C9orf85: variants seen among roughly 807,000 people sequenced by gnomAD.
C9orf85 encodes the protein uncharacterized protein C9orf85.
In C9orf85, 16 loss-of-function variants were observed where a neutral mutation model predicts 14.9. That is an observed-to-expected ratio of 1.08 (90% CI 0.73 to 1.63). C9orf85 has a LOEUF of 1.63. Among genes scored for constraint, C9orf85 ranks in the 40% most tolerant of loss-of-function variants. The pLI is 0.00. For missense variants in C9orf85, 172 were observed against 186.1 expected (o/e 0.92, Z 0.44); for synonymous variants, 45 against 56.8 (o/e 0.79, Z 0.93).
chr9:71,976,720 A>C (rs1018461976), downstream of C9orf85, among the ~76,000 whole-genome samples: 1 of 94,604 alleles, frequency 1.1e-5, no homozygotes, highest in East Asian at 4.1e-4. Context: ...TCTGGAATAT[A>C]GCCCAGGATT....
intron 1 of C9orf85, among the ~76,000 whole-genome samples, chr9:71,940,355 G>A (rs1044016211): frequency 5.9e-5 from 9 of 152,146 alleles, no homozygotes; most frequent in African/African-American, 1.9e-4. Context: ...GATCACTTGA[G>A]CCCGGGAATT....
At chr9:71,917,728 A>G (rs528581790) in intron 1 of C9orf85, among the ~76,000 whole-genome samples, 1 of 152,350 alleles carries the variant, frequency 6.6e-6, no homozygotes, top group South Asian at 2.1e-4. Context: ...GATTCCATCT[A>G]TAGAGACCAG....
rs370413052 is a variant in C9orf85, at chr9:71,911,816, G to T, written c.82G>T (p.Asp28Tyr). The change falls in exon 1 of 4, where the codon GAT becomes TAT. Residue 28 changes from aspartate (D) to tyrosine (Y), a missense_variant. Transcript: ENST00000334731. The part of the protein sequence containing the change: ...NTFSFKNDKF[D>Y]KSVQTKKINA... ...GTTTAGCTTCAAAAATGACAAGTTC[G>T]ATAAAAGTGTGCAGACCAAGGTAGG... The T allele has an allele frequency of 6.2e-7, 1 of 1,614,094 alleles. No individual in the cohort carries two copies. Among genetic ancestry groups the T allele is most frequent in the South Asian group, 1.1e-5 (1 of 91,074 alleles).
chr9:71,938,725 C>T (rs2132290561), intron 1 of C9orf85, among the ~76,000 whole-genome samples: 1 of 151,670 alleles, frequency 6.6e-6, no homozygotes, highest in Non-Finnish European at 1.5e-5. Flanking sequence ...TCATATGGAA[C>T]CAGAACTTGT....
Position 71,970,767 on chromosome 9 carries a change from C to A in C9orf85, c.210-738C>A, listed in dbSNP as rs534836481. On this transcript the variant is annotated intron_variant, in intron 2 of 3. Transcript: ENST00000334731. ...CCAGCTGGAATTTTAATAGAGAGTT[C>A]ATTGAGTCTGTAGATCAGTTTGGGG... 4.6e-5 allele frequency among the ~76,000 whole-genome samples: 7 copies of A among 151,648 alleles called. No individual in the cohort carries two copies. The East Asian group carries it at 1.4e-3, about 29-fold the overall frequency.
intron 1 of C9orf85, among the ~76,000 whole-genome samples, chr9:71,918,107 CAGGAGGCAGA>C (rs1172815326): frequency 6.6e-6 from 1 of 152,060 alleles, no homozygotes; most frequent in African/African-American, 2.4e-5. Flanking sequence ...CACTTGAACC[CAGGAGGCAGA>C]GGTTGCAGTG....
chr9:71,982,233 A>AT (rs934105609), intron 3 of C9orf85, among the ~76,000 whole-genome samples: 2,875 of 144,748 alleles, frequency 0.02, 89 homozygotes, highest in African/African-American at 0.067. Context: ...ATAGTTCATC[A>AT]TTTTTTTTTT....
At chr9:71,957,109 G>A (rs199585647) in intron 2 of C9orf85, among the ~76,000 whole-genome samples, 1 of 152,034 alleles carries the variant, frequency 6.6e-6, no homozygotes, top group East Asian at 1.9e-4. Context: ...CTACAGCACC[G>A]GCCAAGACTG....
intron 1 of C9orf85, among the ~76,000 whole-genome samples, chr9:71,920,732 A>C (rs1459818474): frequency 3.3e-5 from 5 of 152,212 alleles, no homozygotes; most frequent in Admixed American, 3.3e-4. Context: ...ACTTTTGTGA[A>C]AGGAAGAAAT....
At chr9:71,917,239 T>C (rs1196628937) in intron 1 of C9orf85, among the ~76,000 whole-genome samples, 1 of 152,232 alleles carries the variant, frequency 6.6e-6, no homozygotes, top group Non-Finnish European at 1.5e-5. Flanking sequence ...CCACCAATAC[T>C]AAACATTGCT....
chr9:71,968,680 C>T (rs1264246594), intron 2 of C9orf85, among the ~76,000 whole-genome samples: 1 of 152,122 alleles, frequency 6.6e-6, no homozygotes, highest in Non-Finnish European at 1.5e-5. Flanking sequence ...AGAAATAGCA[C>T]TCAAACATAA....
downstream of C9orf85, among the ~76,000 whole-genome samples, chr9:71,975,784 A>G (rs192481432): frequency 1.5e-3 from 232 of 152,348 alleles, 1 homozygote; most frequent in African/African-American, 5.5e-3. Flanking sequence ...GTGAGCCAAG[A>G]TAGCGCTATT....
chr9:71,973,860 G>T (rs28711219), downstream of C9orf85, among the ~76,000 whole-genome samples: 124 of 142,514 alleles, frequency 8.7e-4, no homozygotes, highest in East Asian at 2.2e-3. Context: ...GGGTTTTGTT[G>T]TTTTTTTTTT....
intron 1 of C9orf85, among the ~76,000 whole-genome samples, chr9:71,918,973 T>G (rs760821987): frequency 8.7e-5 from 13 of 150,240 alleles, no homozygotes; most frequent in African/African-American, 1.2e-4. Context: ...AAACCCCGTT[T>G]CTGGTGCCAA....
intron 1 of C9orf85, among the ~76,000 whole-genome samples, chr9:71,937,214 G>C (rs944758117): frequency 6.6e-6 from 1 of 152,160 alleles, no homozygotes; most frequent in Admixed American, 6.5e-5. Flanking sequence ...TGCTTAAATA[G>C]GTTTTCTCAA....
At chr9:71,952,556 C>T (rs886317753) in intron 2 of C9orf85, among the ~76,000 whole-genome samples, 2 of 152,020 alleles carry the variant, frequency 1.3e-5, no homozygotes, top group Admixed American at 6.6e-5. Flanking sequence ...TTAGTAGAGA[C>T]GGGGTTTCAC....
chr9:71,973,099 C>G lies in C9orf85; in HGVS notation c.*257C>G, dbSNP rs140545656. On this transcript the variant is annotated 3_prime_UTR_variant, in exon 4 of 4. Coordinates refer to ENST00000334731, the MANE Select transcript of C9orf85 (RefSeq NM_182505.5). ...GGCGGAGATTGAAGTGAGCTGAGTT[C>G]GTGCCATTACACTCCAGCCTGGGTG... 134 of 181,758 alleles carry G rather than the reference C, an allele frequency of 7.4e-4. 1 individual carries two copies. Among genetic ancestry groups the G allele is most frequent in the African/African-American group, 3.1e-3 (133 of 42,632 alleles). 11.3% of individuals were successfully genotyped at this position (181,758 alleles called of 1,614,324 possible). A position where few individuals can be genotyped will look rare whatever the true frequency, so the allele number is the denominator to read the frequency against.
chr9:71,974,737 C>T (rs760301409), downstream of C9orf85, among the ~76,000 whole-genome samples: 6 of 152,198 alleles, frequency 3.9e-5, no homozygotes, highest in East Asian at 1.9e-4. Flanking sequence ...AAAACTTTGC[C>T]GGAGAGATTT....
intron 2 of C9orf85, among the ~76,000 whole-genome samples, chr9:71,960,290 T>C (rs1048094952): frequency 2.0e-5 from 3 of 152,246 alleles, no homozygotes; most frequent in African/African-American, 4.8e-5. Flanking sequence ...GCTGTCTTTA[T>C]ATGTCCTGTT....
Sources: gnomAD v4.1 joint callset for allele counts (sites outside exome capture counted in the v4.1 genomes callset) on GRCh38, gnomAD v4.1.1 for gene constraint, MANE v1.5 for transcripts, NCBI Gene and HGNC (gene_info 2026-07-23, HGNC 2026-07-21) for gene names.